SORL1: variants seen among roughly 807,000 people sequenced by gnomAD.
The protein encoded by SORL1 is sortilin related receptor 1.
In SORL1, 127 loss-of-function variants were observed where a neutral mutation model predicts 273.7. The ratio of observed to expected loss-of-function variants is 0.46; its 90% CI spans 0.40 to 0.54. The LOEUF is 0.54. SORL1 is among the 20% of genes least tolerant of loss of function. The pLI, the probability that SORL1 is intolerant of heterozygous loss-of-function variation, is 0.00. For missense variants in SORL1, 2,494 were observed against 2,846.1 expected (o/e 0.88, Z 2.81); for synonymous variants, 1,031 against 1,067.4 (o/e 0.97, Z 0.66).
In SORL1 at chr11:121,580,667, C is replaced by T. The variant is rs1362142674; in HGVS notation, c.3581-2791C>T. Among the ~76,000 whole-genome samples the T allele has an allele frequency of 8.3e-5, 12 of 144,516 alleles. No homozygotes were observed. The East Asian group carries it at 1.4e-3, about 17-fold the overall frequency. The allele number at this position is 144,516 out of a possible 152,430, so 94.8% of individuals were successfully genotyped here. A position where few individuals can be genotyped will look rare whatever the true frequency, so the allele number is the denominator to read the frequency against. The stretch of plus-strand genomic sequence containing the variant: ...TCTCCCAGGCTGGAGGGTAGTGGCG[C>T]GATGACAGCTCACTGTAGCCTTGAC... On this transcript the variant is annotated intron_variant, in intron 25 of 47. Coordinates refer to ENST00000260197, the MANE Select transcript of SORL1 (RefSeq NM_003105.6).
rs1040193844 is a variant in SORL1 at position 121,595,668 on chromosome 11, A to G, written c.4415A>G (p.Asp1472Gly). ...ASTPTQLGRC[D>G]RFEFECHQPK... ...ACTCCCACCCAACTTGGGCGATGTGACCGATTTGAGTTCGAATGCCACCAA... is the reference window on the plus strand; with the variant it reads ...ACTCCCACCCAACTTGGGCGATGTGGCCGATTTGAGTTCGAATGCCACCAA... The change falls in exon 32 of 48, where the codon GAC becomes GGC. Residue 1472 changes from aspartate (D) to glycine (G), a missense_variant. Coordinates refer to ENST00000260197, the MANE Select transcript of SORL1 (RefSeq NM_003105.6). The surrounding 1 kb of genome is among the most constrained non-coding windows in gnomAD (Gnocchi z 5.1). 14 of 1,613,038 alleles carry G rather than the reference A, an allele frequency of 8.7e-6. No individual in the cohort carries two copies. In the African/African-American group the frequency reaches 1.9e-4, roughly 22 times the overall value.
At chr11:121,458,842 G>GT (rs1465687003) in intron 1 of SORL1, among the ~76,000 whole-genome samples, 6 of 152,214 alleles carry the variant, frequency 3.9e-5, no homozygotes, top group East Asian at 3.9e-4. Context: ...GAGATGCTCA[G>GT]TTTTTTTTAA....
intron 42 of SORL1, among the ~76,000 whole-genome samples, chr11:121,619,443 C>G (rs906876718): frequency 6.6e-6 from 1 of 152,090 alleles, no homozygotes; most frequent in Non-Finnish European, 1.5e-5. Context: ...GTGCCATTTT[C>G]TCAGTTGTAT....
Position 121,513,073 on chromosome 11 carries a change from C to T in SORL1, c.1010C>T (p.Ala337Val). ...TCCTTTGGCCGGAAGCCCATGAGAGCAGCCCAGTTTGTCACAAGACATCCT... is the reference window on the plus strand; with the variant it reads ...TCCTTTGGCCGGAAGCCCATGAGAGTAGCCCAGTTTGTCACAAGACATCCT... ...WVSFGRKPMR[A>V]AQFVTRHPIN... The change falls in exon 7 of 48, where the codon GCA (alanine) becomes GTA (valine). Residue 337 changes from alanine to valine, a missense_variant. Coordinates refer to ENST00000260197, the MANE Select transcript of SORL1 (RefSeq NM_003105.6). 3 of 1,613,900 alleles carry T rather than the reference C, an allele frequency of 1.9e-6. No individual in the cohort carries two copies. Among genetic ancestry groups the T allele is most frequent in the South Asian group, 2.2e-5 (2 of 91,080 alleles).
At chr11:121,578,682 T>G (rs894752075) in intron 25 of SORL1, among the ~76,000 whole-genome samples, 6 of 152,236 alleles carry the variant, frequency 3.9e-5, no homozygotes, top group African/African-American at 1.4e-4. Context: ...CCTTTTAGTT[T>G]GGAGGTGACC....
intron 21 of SORL1, among the ~76,000 whole-genome samples, chr11:121,560,945 C>G (rs1862663303): frequency 6.6e-6 from 1 of 152,180 alleles, no homozygotes; most frequent in South Asian, 2.1e-4. Flanking sequence ...CACATTCTTT[C>G]TTAGAGGAGG....
At chr11:121,481,210 T>A (rs71468757) in intron 3 of SORL1, among the ~76,000 whole-genome samples, 5 of 55,052 alleles carry the variant, frequency 9.1e-5, no homozygotes, top group South Asian at 1.6e-3. Flanking sequence ...CCAGCTCCTC[T>A]CCTAGTGCAC....
In SORL1 at chr11:121,595,514, C is replaced by G; in HGVS notation, c.4370-109C>G. On this transcript the variant is annotated intron_variant, in intron 31 of 47. Coordinates refer to ENST00000260197, the MANE Select transcript of SORL1 (RefSeq NM_003105.6). The surrounding 1 kb of genome is among the most constrained non-coding windows in gnomAD (Gnocchi z 5.1). ...CGGAACTCGCATTTGTCTTCAGGTT[C>G]CCATTGTAATTTCTAAAGCACCGTA... 1.8e-5 allele frequency: 18 copies of G among 983,544 alleles called. No individual in the cohort carries two copies. In the South Asian group the frequency reaches 2.6e-4, roughly 14 times the overall value. 60.9% of individuals were successfully genotyped at this position (983,544 alleles called of 1,614,324 possible).
At position 121,550,878 on chromosome 11, in the gene SORL1, A is replaced by G. The variant is rs1018821940; in HGVS notation, c.2266+208A>G. 1.3e-5 allele frequency among the ~76,000 whole-genome samples: 2 copies of G among 152,220 alleles called. No homozygotes were observed. The highest frequency in any genetic ancestry group is 1.3e-4 in the Admixed American group (2 of 15,286). ...ATACCCGTTTTTAGGAATGGAAAGT[A>G]CTTTGTGTCAGCTCAGTTTCTTTGA... On this transcript the variant is annotated intron_variant, in intron 16 of 47. Coordinates refer to ENST00000260197, the MANE Select transcript of SORL1 (RefSeq NM_003105.6). The surrounding 1 kb of genome is among the most constrained non-coding windows in gnomAD (Gnocchi z 5.3).
intron 39 of SORL1, chr11:121,611,729 C>T (rs1863567189): frequency 6.6e-6 from 1 of 152,372 alleles, no homozygotes; most frequent in Non-Finnish European, 1.5e-5. Context: ...TCCTCACAGC[C>T]TCTCCATTGA....
At chr11:121,617,376 G>A (rs1863657614) in intron 41 of SORL1, among the ~76,000 whole-genome samples, 1 of 152,216 alleles carries the variant, frequency 6.6e-6, no homozygotes, top group Non-Finnish European at 1.5e-5. Flanking sequence ...TGTTATGCCA[G>A]AGTCAACTTG....
intron 12 of SORL1, among the ~76,000 whole-genome samples, chr11:121,543,182 C>T (rs1862372829): frequency 6.7e-6 from 1 of 149,678 alleles, no homozygotes; most frequent in Non-Finnish European, 1.5e-5. Flanking sequence ...CAGAGTGAGA[C>T]TCCATCTCAA....
chr11:121,503,195 G>C (rs1276451849), intron 6 of SORL1, among the ~76,000 whole-genome samples: 1 of 151,928 alleles, frequency 6.6e-6, no homozygotes, highest in Non-Finnish European at 1.5e-5. Flanking sequence ...ATGAAGTTCA[G>C]TTTATCCATT....
chr11:121,589,396 A>G lies in SORL1; in HGVS notation c.4078+6A>G. ...TTCTGATGAAGCCAACTGCGGTAAG[A>G]TGTCCAGTCTGCCTCCTCACATCCT... is the stretch of plus-strand genomic sequence containing the variant. On this transcript the variant is annotated splice_donor_region_variant and intron_variant, in intron 29 of 47. Transcript: ENST00000260197. 1.2e-6 allele frequency: 2 copies of G among 1,612,752 alleles called. No individual in the cohort carries two copies. Among genetic ancestry groups the G allele is most frequent in the East Asian group, 2.2e-5 (1 of 44,872 alleles).
At chr11:121,467,729 G>A (rs1861105138) in intron 1 of SORL1, among the ~76,000 whole-genome samples, 2 of 152,164 alleles carry the variant, frequency 1.3e-5, no homozygotes, top group Admixed American at 1.3e-4. Context: ...GGAGGAAAAG[G>A]GAAGGCTTCA....
At position 121,542,153 on chromosome 11, in the gene SORL1, C is replaced by T. The variant is rs371334737; in HGVS notation, c.1686-1395C>T. On this transcript the variant is annotated intron_variant, in intron 12 of 47. Transcript: ENST00000260197. ...CAGACATCATGCTCCCTCACAGCTA[C>T]TTAAATGTGTATCTCCAATAAATAA... Among the ~76,000 whole-genome samples the T allele has an allele frequency of 2.8e-4, 43 of 152,316 alleles. 1 individual carries two copies. The highest frequency in any genetic ancestry group is 9.4e-4 in the African/African-American group (39 of 41,576).
chr11:121,616,523 G>C (rs1863644660), intron 41 of SORL1, among the ~76,000 whole-genome samples: 1 of 152,162 alleles, frequency 6.6e-6, no homozygotes, highest in Non-Finnish European at 1.5e-5. Flanking sequence ...CACCAGCCTT[G>C]TCCTCGGTGA....
At chr11:121,492,696 A>C (rs1231791450) in intron 5 of SORL1, among the ~76,000 whole-genome samples, 1 of 152,180 alleles carries the variant, frequency 6.6e-6, no homozygotes, top group Non-Finnish European at 1.5e-5. Context: ...ACAATATAGA[A>C]TAGTGTCTCC....
In SORL1 at chr11:121,520,702, A is replaced by G; in HGVS notation, c.1257A>G (p.Gly419=). Reference sequence around the variant, plus strand: ...TTGCTGACTTCCACCGAGTGGAAGGATTGCAAGGAGTCTACATTGCTACTC... The same window carrying G: ...TTGCTGACTTCCACCGAGTGGAAGGGTTGCAAGGAGTCTACATTGCTACTC... ...EPFADFHRVE[G]LQGVYIATLI... Residue 419 remains glycine (G), a synonymous_variant, in exon 9 of 48, where the codon GGA becomes GGG. Coordinates refer to ENST00000260197, the MANE Select transcript of SORL1 (RefSeq NM_003105.6). 1 of 1,601,486 alleles carries G rather than the reference A, an allele frequency of 6.2e-7. No individual in the cohort carries two copies. The highest frequency in any genetic ancestry group is 8.5e-7 in the Non-Finnish European group (1 of 1,174,878).
Sources: allele counts gnomAD v4.1 joint callset (sites outside exome capture counted in the v4.1 genomes callset), GRCh38; gene constraint gnomAD v4.1.1; non-coding constraint Gnocchi (gnomAD v3.1); transcripts MANE v1.5; gene names NCBI Gene and HGNC (gene_info 2026-07-23, HGNC 2026-07-21).